The following DRD2 variants were observed in gnomAD, a reference collection of about 807,000 sequenced individuals.
DRD2 encodes the protein dopamine receptor D2, also known as D(2) dopamine receptor.
DRD2 carries 8 observed loss-of-function variants against 38.0 expected under a neutral mutation model. The ratio of observed to expected loss-of-function variants is 0.21; its 90% CI spans 0.12 to 0.38. The LOEUF (loss-of-function observed/expected upper bound fraction) is 0.38, where lower values mean the gene tolerates loss of function less well. DRD2 is among the 10% of genes least tolerant of loss of function. The probability of loss-of-function intolerance (pLI) is 1.00; values close to 1 mark genes in which losing one functional copy is unlikely to be tolerated. For missense variants in DRD2, 403 were observed against 607.7 expected, an observed-to-expected ratio of 0.66 and a Z score of 3.54; for synonymous variants, 230 against 238.6, an observed-to-expected ratio of 0.96 and a Z score of 0.33.
intron 4 of DRD2, 26 bp downstream of exon 4, chr11:113,416,837 C>T (rs1950832450): frequency 4.3e-6 from 7 of 1,611,708 alleles, no homozygotes; most frequent in Non-Finnish European, 5.9e-6. Flanking sequence ...CCAGCTGAGC[C>T]TCAGGCAAAC....
intron 3 of DRD2, among the ~76,000 whole-genome samples, chr11:113,417,237 T>C (rs1178344905): frequency 6.6e-6 from 1 of 152,186 alleles, no homozygotes; most frequent in Non-Finnish European, 1.5e-5. Flanking sequence ...TTAGCTCATA[T>C]CTATTATTCT....
chr11:113,413,141 A>C (rs1452921635), intron 6 of DRD2, among the ~76,000 whole-genome samples: 2 of 152,182 alleles, frequency 1.3e-5, no homozygotes, highest in Non-Finnish European at 2.9e-5. Context: ...AGGGCTGAAT[A>C]CCAGGGACTT....
chr11:113,419,412 C>A (rs915058687), intron 2 of DRD2, among the ~76,000 whole-genome samples: 2 of 151,844 alleles, frequency 1.3e-5, no homozygotes, highest in African/African-American at 4.8e-5. Context: ...TAGCTCCTGG[C>A]AGGAGCACGT....
At chr11:113,453,699 TC>T (rs1445722965) in intron 1 of DRD2, among the ~76,000 whole-genome samples, 1 of 152,196 alleles carries the variant, frequency 6.6e-6, no homozygotes, top group Non-Finnish European at 1.5e-5. Flanking sequence ...ATTAACACGT[TC>T]CATGACGGAG....
At chr11:113,414,596 G>A in intron 5 of DRD2, 135 bp from the exon 6 acceptor site, 1 of 846,610 alleles carries the variant, frequency 1.2e-6, no homozygotes, top group South Asian at 1.4e-5. Flanking sequence ...GGCCAGAGGA[G>A]GCAGTTGGGG....
At chr11:113,454,963 C>T (rs1951254744) in intron 1 of DRD2, among the ~76,000 whole-genome samples, 1 of 152,120 alleles carries the variant, frequency 6.6e-6, no homozygotes, top group Non-Finnish European at 1.5e-5. Flanking sequence ...CTTGTCTCAC[C>T]CTTTATAAAA....
intron 1 of DRD2, among the ~76,000 whole-genome samples, chr11:113,426,561 C>A (rs1348680256): frequency 2.0e-5 from 3 of 152,262 alleles, no homozygotes; most frequent in Admixed American, 6.5e-5. Flanking sequence ...CATGTCCAAT[C>A]AATGAACAGG....
intron 1 of DRD2, among the ~76,000 whole-genome samples, chr11:113,457,674 C>T (rs1048424509): frequency 2.0e-5 from 3 of 152,178 alleles, no homozygotes; most frequent in Non-Finnish European, 4.4e-5. Flanking sequence ...AAGTTCTCCA[C>T]CTTCTGCGAG....
intron 2 of DRD2, among the ~76,000 whole-genome samples, chr11:113,423,140 C>T (rs1124469): frequency 6.6e-6 from 1 of 152,272 alleles, no homozygotes; most frequent in East Asian, 1.9e-4. Flanking sequence ...CACATCTGCT[C>T]GCTGGCTCTG....
At chr11:113,422,764 G>T (rs1006144447) in intron 2 of DRD2, among the ~76,000 whole-genome samples, 1 of 152,114 alleles carries the variant, frequency 6.6e-6, no homozygotes, top group Admixed American at 6.5e-5. Flanking sequence ...AAGCGCACGA[G>T]CCCCTTGGGG....
intron 2 of DRD2, among the ~76,000 whole-genome samples, chr11:113,423,768 C>A (rs1013115781): frequency 6.6e-6 from 1 of 152,178 alleles, no homozygotes; most frequent in South Asian, 2.1e-4. Context: ...ACAGCACAGT[C>A]CATGGCAGCC....
At chr11:113,470,184 A>G (rs964898325) in intron 1 of DRD2, among the ~76,000 whole-genome samples, 12 of 152,192 alleles carry the variant, frequency 7.9e-5, no homozygotes, top group Non-Finnish European at 1.6e-4. Flanking sequence ...TAACAAAAAT[A>G]ATTTCATTTC....
chr11:113,445,321 A>G (rs1951135606), intron 1 of DRD2, among the ~76,000 whole-genome samples: 2 of 152,220 alleles, frequency 1.3e-5, no homozygotes, highest in Admixed American at 1.3e-4. Context: ...CTTAGTTTTG[A>G]TCATCACTCT....
intron 1 of DRD2, among the ~76,000 whole-genome samples, chr11:113,452,443 T>C (rs940208114): frequency 1.3e-5 from 1 of 79,860 alleles, no homozygotes; most frequent in African/African-American, 3.5e-5. Flanking sequence ...TGCGTGTGTG[T>C]GTGTGTGTGT....
rs1951473606 is a variant in DRD2, at chr11:113,475,345, C to A, written c.-301G>T. 6.7e-6 allele frequency: 1 copy of A among 149,222 alleles called. No homozygotes were observed. Among genetic ancestry groups the A allele is most frequent in the African/African-American group, 2.4e-5 (1 of 41,056 alleles). 9.2% of individuals were successfully genotyped at this position (149,222 alleles called of 1,614,324 possible). On this transcript the variant is annotated 5_prime_UTR_variant, in exon 1 of 8. Transcript: ENST00000362072. ...CGGGGCGGGCGGGCAGGAGGGAGCG[C>A]GGGGACGGGGCGGAGGCGGCGCGGT...
intron 4 of DRD2, 126 bp downstream of exon 4, chr11:113,416,737 G>T: frequency 1.4e-6 from 2 of 1,393,748 alleles, no homozygotes; most frequent in Non-Finnish European, 2.0e-6. Flanking sequence ...CTCAGTCCAG[G>T]GTAGTGATAG....
intron 4 of DRD2, among the ~76,000 whole-genome samples, chr11:113,416,477 A>G (rs1950827992): frequency 6.6e-6 from 1 of 152,196 alleles, no homozygotes; most frequent in Non-Finnish European, 1.5e-5. Context: ...CAAAAATACT[A>G]TTGTCAGGAG....
In DRD2 at chr11:113,470,273, C is replaced by T. The variant is rs549342388; in HGVS notation, c.-32+4803G>A. Among the ~76,000 whole-genome samples, 52 of 152,326 alleles carry T rather than the reference C, an allele frequency of 3.4e-4. No homozygotes were observed. The East Asian group carries it at 6.7e-3, about 20-fold the overall frequency. On this transcript the variant is annotated intron_variant, in intron 1 of 7. Coordinates refer to ENST00000362072, the MANE Select transcript of DRD2 (RefSeq NM_000795.4). ...GGGGTGGAAATGAGAAGGGCAGGCA[C>T]GTTCTGAAGGAGACCAATAACAAAT...
intron 1 of DRD2, among the ~76,000 whole-genome samples, chr11:113,453,536 C>T (rs1052864363): frequency 1.3e-5 from 2 of 152,172 alleles, no homozygotes; most frequent in Non-Finnish European, 2.9e-5. Context: ...TTAGTTATGC[C>T]TTCTTAGGTA....
Sources: allele counts gnomAD v4.1 joint callset (sites outside exome capture counted in the v4.1 genomes callset), GRCh38; gene constraint gnomAD v4.1.1; transcripts MANE v1.5; gene names NCBI Gene and HGNC (gene_info 2026-07-23, HGNC 2026-07-21).